RBFOX1: variants seen among roughly 807,000 people sequenced by gnomAD.
The protein encoded by RBFOX1 is RNA binding fox-1 homolog 1.
Under a neutral mutation model 57.7 loss-of-function variants are expected in RBFOX1, and 8 were observed. The ratio of observed to expected loss-of-function variants is 0.14; its 90% confidence interval spans 0.08 to 0.25. The LOEUF is 0.25. RBFOX1 is among the 10% of genes least tolerant of loss of function. The pLI is 1.00. For synonymous variants in RBFOX1, 326 were observed against 222.4 expected (o/e 1.47, Z -4.15); for missense variants, 611 against 548.5 (o/e 1.11, Z -1.14).
chr16:7,196,358 G>GCT (rs1173331109), intron 4 of RBFOX1, among the ~76,000 whole-genome samples: 1 of 151,964 alleles, frequency 6.6e-6, no homozygotes, highest in Non-Finnish European at 1.5e-5. Context: ...TACCCACCCT[G>GCT]CTTCACTCCC....
intron 4 of RBFOX1, among the ~76,000 whole-genome samples, chr16:5,952,088 C>CAT (rs760201026): frequency 0.016 from 2,401 of 147,838 alleles, 36 homozygotes; most frequent in African/African-American, 0.033. Flanking sequence ...TGTATATATG[C>CAT]ATATATATAT....
At chr16:6,281,949 G>A (rs577966635) in intron 1 of RBFOX1, among the ~76,000 whole-genome samples, 7 of 152,184 alleles carry the variant, frequency 4.6e-5, no homozygotes, top group East Asian at 3.9e-4. Flanking sequence ...AAATTAGGCC[G>A]TACTGCACAC....
chr16:6,732,529 G>C (rs1036372330), intron 3 of RBFOX1, among the ~76,000 whole-genome samples: 1 of 152,196 alleles, frequency 6.6e-6, no homozygotes, highest in East Asian at 1.9e-4. Context: ...AAAACATTTA[G>C]TGTAGCAGGC....
chr16:5,353,732 A>AG (rs2151321260), intron 1 of RBFOX1, among the ~76,000 whole-genome samples: 1 of 36,938 alleles, frequency 2.7e-5, no homozygotes, highest in African/African-American at 4.1e-5. Flanking sequence ...TGAGGAAAAA[A>AG]AAAAAAACCT....
At chr16:5,609,078 G>A (rs1255542615) in intron 3 of RBFOX1, among the ~76,000 whole-genome samples, 1 of 152,168 alleles carries the variant, frequency 6.6e-6, no homozygotes, top group African/African-American at 2.4e-5. Context: ...ATACATCTCT[G>A]TAAGGGAGTT....
At chr16:6,474,795 C>G (rs2095247404) in intron 2 of RBFOX1, among the ~76,000 whole-genome samples, 2 of 152,198 alleles carry the variant, frequency 1.3e-5, no homozygotes, top group African/African-American at 4.8e-5. Context: ...GATCTAAAAA[C>G]TTAAATACGG....
chr16:5,327,719 G>A (rs1462408507), intron 1 of RBFOX1, among the ~76,000 whole-genome samples: 1 of 152,128 alleles, frequency 6.6e-6, no homozygotes, highest in Non-Finnish European at 1.5e-5. Context: ...CCTCAGCAGT[G>A]AGCTGCCCTA....
Position 6,256,428 on chromosome 16 carries a change from C to T in RBFOX1, c.-126-60567C>T, listed in dbSNP as rs146040605. Among the ~76,000 whole-genome samples, 96 of 150,836 alleles carry T rather than the reference C, an allele frequency of 6.4e-4. 1 individual carries two copies. The highest frequency in any genetic ancestry group is 2.3e-3 in the African/African-American group (95 of 41,114). On this transcript the variant is annotated intron_variant, in intron 1 of 15. Coordinates refer to ENST00000550418, the MANE Select transcript of RBFOX1 (RefSeq NM_018723.4). ...CCAAGGTCACCTGGAACCCCTGACC[C>T]TTCGAGAGCAGAGTTCATCCTTGGA...
intron 4 of RBFOX1, among the ~76,000 whole-genome samples, chr16:7,209,420 T>G (rs2090669754): frequency 6.6e-6 from 1 of 152,176 alleles, no homozygotes; most frequent in Admixed American, 6.5e-5. Flanking sequence ...TGACCTCATT[T>G]TAACTTACTT....
chr16:6,927,904 C>T (rs555165040), intron 3 of RBFOX1, among the ~76,000 whole-genome samples: 7 of 152,330 alleles, frequency 4.6e-5, no homozygotes, highest in African/African-American at 1.4e-4. Context: ...TAAACATCAT[C>T]TAAACACTAA....
At chr16:7,073,906 ATTG>A (rs780317288) in intron 4 of RBFOX1, among the ~76,000 whole-genome samples, 52 of 146,608 alleles carry the variant, frequency 3.5e-4, no homozygotes, top group Non-Finnish European at 6.8e-4. Context: ...AGAAAAAAAA[ATTG>A]ACTGACAATC....
Position 7,119,686 on chromosome 16 carries a change from T to C in RBFOX1, c.27+67588T>C, listed in dbSNP as rs185397661. ...AATCTTAAACAATCATGATTATTTATGCACAAACTATGGGACTTTTAAAAT... is the reference window on the plus strand; with the variant it reads ...AATCTTAAACAATCATGATTATTTACGCACAAACTATGGGACTTTTAAAAT... On this transcript the variant is annotated intron_variant, in intron 4 of 15. Coordinates refer to ENST00000550418, the MANE Select transcript of RBFOX1 (RefSeq NM_018723.4). 2.3e-3 allele frequency among the ~76,000 whole-genome samples: 357 copies of C among 152,080 alleles called. 6 individuals are homozygous for C. Among genetic ancestry groups the C allele is most frequent in the Non-Finnish European group, 2.6e-4 (18 of 67,952 alleles).
At chr16:7,256,424 A>G (rs2094686234) in intron 4 of RBFOX1, among the ~76,000 whole-genome samples, 1 of 152,208 alleles carries the variant, frequency 6.6e-6, no homozygotes, top group South Asian at 2.1e-4. Context: ...GGAGAAGCCT[A>G]CACTAGTTTG....
intron 1 of RBFOX1, among the ~76,000 whole-genome samples, chr16:6,254,460 T>C (rs370110565): frequency 1.3e-5 from 2 of 152,272 alleles, no homozygotes; most frequent in South Asian, 2.1e-4. Context: ...AAAGGCAGAG[T>C]AGCAGAGTGC....
chr16:7,698,925 A>G (rs17144618), intron 14 of RBFOX1, among the ~76,000 whole-genome samples: 3,933 of 152,182 alleles, frequency 0.026, 156 homozygotes, highest in African/African-American at 0.083. Context: ...GATAGTCTGA[A>G]TTAGCCTAAG....
chr16:7,173,201 A>G (rs1398129354), intron 4 of RBFOX1, among the ~76,000 whole-genome samples: 9 of 152,220 alleles, frequency 5.9e-5, no homozygotes, highest in Non-Finnish European at 1.2e-4. Context: ...ACGTAAAATT[A>G]AAGAAAAACA....
intron 3 of RBFOX1, among the ~76,000 whole-genome samples, chr16:6,879,187 A>G (rs928719739): frequency 6.6e-6 from 1 of 152,186 alleles, no homozygotes; most frequent in Non-Finnish European, 1.5e-5. Context: ...CCTTTTAATA[A>G]GTTGTCCAGT....
chr16:6,057,315 T>G (rs750818081), intron 1 of RBFOX1, among the ~76,000 whole-genome samples: 13 of 152,222 alleles, frequency 8.5e-5, no homozygotes, highest in South Asian at 2.1e-4. Context: ...TTTTTCTGTC[T>G]TTATAGTTTA....
At position 5,359,064 on chromosome 16, in the gene RBFOX1, G is replaced by A. The variant is rs567942856; in HGVS notation, c.220-108152G>A. On this transcript the variant is annotated intron_variant, in intron 1 of 2. Coordinates refer to the RBFOX1 transcript ENST00000585867. ...CCAGAAATTAGTGAGAACATGTGAT[G>A]TTTTTGTTTCTGTGCCTGGCTTATT... 6.6e-5 allele frequency among the ~76,000 whole-genome samples: 10 copies of A among 152,298 alleles called. No individual in the cohort carries two copies. The East Asian group carries it at 1.7e-3, about 26-fold the overall frequency.
Sources: gnomAD v4.1 joint callset for allele counts (sites outside exome capture counted in the v4.1 genomes callset) on GRCh38, gnomAD v4.1.1 for gene constraint, MANE v1.5 for transcripts, NCBI Gene and HGNC (gene_info 2026-07-23, HGNC 2026-07-21) for gene names.